The following PLD5 variants were observed in gnomAD, a reference collection of about 807,000 sequenced individuals.
PLD5 encodes phospholipase D family member 5, also known as inactive phospholipase D5.
A neutral mutation model predicts 61.1 loss-of-function variants in PLD5; 36 were observed. The ratio of observed to expected loss-of-function variants is 0.59; its 90% CI spans 0.45 to 0.78. The LOEUF (loss-of-function observed/expected upper bound fraction) is 0.78. PLD5 is among the 30% of genes least tolerant of loss of function. The probability of loss-of-function intolerance (pLI) is 0.00; values close to 1 mark genes in which losing one functional copy is unlikely to be tolerated. For synonymous variants in PLD5, 243 were observed against 242.8 expected (o/e 1.00, Z -0.01); for missense variants, 515 against 644.4 (o/e 0.80, Z 2.17).
chr1:242,520,447 T>A (rs1220593047), intron 1 of PLD5, among the ~76,000 whole-genome samples: 1 of 152,206 alleles, frequency 6.6e-6, no homozygotes, highest in Admixed American at 6.5e-5. Context: ...CAGTTGTGCA[T>A]CTTGGTAACT....
At chr1:242,284,230 C>G (rs904934211) in intron 3 of PLD5, among the ~76,000 whole-genome samples, 1 of 144,144 alleles carries the variant, frequency 6.9e-6, no homozygotes, top group African/African-American at 2.6e-5. Flanking sequence ...CTCCGCCTCC[C>G]GGGTTCCAGC....
At chr1:242,232,894 C>T (rs1671396948) in intron 4 of PLD5, among the ~76,000 whole-genome samples, 1 of 151,824 alleles carries the variant, frequency 6.6e-6, no homozygotes, top group Admixed American at 6.6e-5. Context: ...GTGGCTCACA[C>T]CTGTAATCCC....
intron 1 of PLD5, among the ~76,000 whole-genome samples, chr1:242,505,380 A>C (rs2102994573): frequency 6.6e-6 from 1 of 152,304 alleles, no homozygotes; most frequent in Middle Eastern, 3.4e-3. Flanking sequence ...TTTCTTATTA[A>C]ATATTGACAA....
At chr1:242,419,441 G>A (rs1665015481) in intron 1 of PLD5, among the ~76,000 whole-genome samples, 1 of 149,578 alleles carries the variant, frequency 6.7e-6, no homozygotes, top group South Asian at 2.1e-4. Flanking sequence ...TGTTGCCCAG[G>A]CTGGAGTGCA....
chr1:242,248,229 G>A (rs995013871), intron 4 of PLD5, among the ~76,000 whole-genome samples: 6 of 152,210 alleles, frequency 3.9e-5, no homozygotes, highest in African/African-American at 1.2e-4. Flanking sequence ...GCATGAAAAC[G>A]AGACAGCAAT....
intron 5 of PLD5, among the ~76,000 whole-genome samples, chr1:242,204,729 A>G (rs1669209674): frequency 6.6e-6 from 1 of 152,172 alleles, no homozygotes; most frequent in Admixed American, 6.5e-5. Flanking sequence ...CGGTATTATT[A>G]GCTCAGTTGT....
chr1:242,449,879 A>G (rs1179787822), intron 1 of PLD5, among the ~76,000 whole-genome samples: 1 of 152,200 alleles, frequency 6.6e-6, no homozygotes. Context: ...CGAGCACTCC[A>G]TGGTTACAGC....
chr1:242,264,444 G>A (rs1673541849), intron 4 of PLD5, among the ~76,000 whole-genome samples: 1 of 152,162 alleles, frequency 6.6e-6, no homozygotes, highest in Non-Finnish European at 1.5e-5. Context: ...TTCTTCTTCA[G>A]GAGGAAGGGC....
At chr1:242,388,683 G>A (rs1052243960) in intron 1 of PLD5, among the ~76,000 whole-genome samples, 14 of 152,158 alleles carry the variant, frequency 9.2e-5, no homozygotes, top group Non-Finnish European at 1.5e-4. Context: ...AGACGGTAAG[G>A]AGGAAATGAC....
At chr1:242,268,661 G>T (rs1325107447) in intron 3 of PLD5, among the ~76,000 whole-genome samples, 3 of 152,182 alleles carry the variant, frequency 2.0e-5, no homozygotes, top group Non-Finnish European at 2.9e-5. Flanking sequence ...CTTGGGTAGA[G>T]TTTCCATACT....
At chr1:242,101,694 G>T (rs1410968629) in intron 8 of PLD5, among the ~76,000 whole-genome samples, 1 of 152,194 alleles carries the variant, frequency 6.6e-6, no homozygotes, top group Admixed American at 6.5e-5. Flanking sequence ...ATGATACCTA[G>T]AAAAGGAGAT....
intron 5 of PLD5, chr1:242,147,535 T>C (rs534513757): frequency 6.6e-6 from 1 of 152,246 alleles, no homozygotes; most frequent in South Asian, 2.1e-4. Flanking sequence ...TGCAAAGCAG[T>C]GAGATTGCTG....
chr1:242,302,297 G>A (rs570311355), intron 2 of PLD5, among the ~76,000 whole-genome samples: 5 of 152,282 alleles, frequency 3.3e-5, no homozygotes, highest in East Asian at 3.9e-4. Context: ...CTGCATTTGC[G>A]TTCCCATGAT....
At chr1:242,303,582 T>G (rs1464228642) in intron 2 of PLD5, among the ~76,000 whole-genome samples, 2 of 152,284 alleles carry the variant, frequency 1.3e-5, no homozygotes, top group African/African-American at 4.8e-5. Context: ...GTTCAGGATT[T>G]ATCCTTGGAT....
At chr1:242,213,702 A>C (rs1363043513) in intron 5 of PLD5, among the ~76,000 whole-genome samples, 2 of 151,342 alleles carry the variant, frequency 1.3e-5, no homozygotes, top group Non-Finnish European at 2.9e-5. Context: ...CCCCCGCAGC[A>C]AAAAGGGAAA....
the PLD5 span, among the ~76,000 whole-genome samples, chr1:242,530,466 C>T: frequency 4.6e-5 from 7 of 152,140 alleles, no homozygotes; most frequent in African/African-American, 1.7e-4. Flanking sequence ...TGGTAGGCAA[C>T]AAAAAAGTCT....
At chr1:242,457,957 A>G (rs1287987062) in intron 1 of PLD5, among the ~76,000 whole-genome samples, 1 of 152,166 alleles carries the variant, frequency 6.6e-6, no homozygotes, top group Non-Finnish European at 1.5e-5. Flanking sequence ...GTCCTGACCA[A>G]CCTTCAGAAG....
chr1:242,299,547 C>T (rs1558442572), intron 2 of PLD5, among the ~76,000 whole-genome samples: 1 of 152,166 alleles, frequency 6.6e-6, no homozygotes, highest in Non-Finnish European at 1.5e-5. Context: ...GTCTTAATCA[C>T]AACACTCCAT....
chr1:242,449,553 G>A, intron 1 of PLD5: 1 of 1,439,888 alleles, frequency 6.9e-7, no homozygotes, highest in Non-Finnish European at 9.1e-7. Context: ...AGCACGAAGA[G>A]AGAAAGGGCT....
Sources: gnomAD v4.1 joint callset for allele counts (sites outside exome capture counted in the v4.1 genomes callset) on GRCh38, gnomAD v4.1.1 for gene constraint, MANE v1.5 for transcripts, NCBI Gene and HGNC (gene_info 2026-07-23, HGNC 2026-07-21) for gene names.